NTM: variants seen among roughly 807,000 people sequenced by gnomAD.
NTM encodes the protein neurotrimin.
Under a neutral mutation model 42.1 loss-of-function variants are expected in NTM, and 13 were observed. The observed-to-expected ratio is 0.31, with a 90% CI of 0.20 to 0.49. The LOEUF (loss-of-function observed/expected upper bound fraction) is 0.49, where lower values mean the gene tolerates loss of function less well. Ranked by LOEUF, NTM falls within the 20% of genes least tolerant of loss-of-function variation. The probability of loss-of-function intolerance (pLI) is 0.99; values close to 1 mark genes in which losing one functional copy is unlikely to be tolerated. For synonymous variants in NTM, 187 were observed against 179.2 expected, an observed-to-expected ratio of 1.04 and a Z score of -0.35; for missense variants, 373 against 452.8, an observed-to-expected ratio of 0.82 and a Z score of 1.60.
At chr11:131,452,772 A>C (rs949727574) in intron 1 of NTM, among the ~76,000 whole-genome samples, 7 of 152,198 alleles carry the variant, frequency 4.6e-5, no homozygotes, top group Non-Finnish European at 7.3e-5. Context: ...CCTGCAGTGC[A>C]GACAATACTT....
intron 1 of NTM, among the ~76,000 whole-genome samples, chr11:131,494,595 G>T (rs1385019088): frequency 6.6e-6 from 1 of 152,144 alleles, no homozygotes; most frequent in Non-Finnish European, 1.5e-5. Flanking sequence ...TCAGATGATT[G>T]GTCACTCCAT....
intron 1 of NTM, among the ~76,000 whole-genome samples, chr11:131,705,611 A>G (rs1403197098): frequency 1.3e-5 from 2 of 152,176 alleles, no homozygotes; most frequent in African/African-American, 4.8e-5. Flanking sequence ...TAGAAGTTAA[A>G]AGATAAAATC....
chr11:131,620,153 G>A (rs536789099), intron 1 of NTM, among the ~76,000 whole-genome samples: 15 of 152,240 alleles, frequency 9.9e-5, no homozygotes, highest in African/African-American at 3.4e-4. Flanking sequence ...GCCAGTAAAG[G>A]TACTACGAGA....
chr11:131,715,407 C>T (rs2077589378), intron 1 of NTM, among the ~76,000 whole-genome samples: 1 of 152,134 alleles, frequency 6.6e-6, no homozygotes, highest in Non-Finnish European at 1.5e-5. Context: ...TTTTGTTTAG[C>T]ATTTTAGACT....
At chr11:131,609,758 C>G (rs1475473250) in intron 1 of NTM, among the ~76,000 whole-genome samples, 2 of 152,204 alleles carry the variant, frequency 1.3e-5, no homozygotes, top group African/African-American at 4.8e-5. Context: ...GCCAAACATG[C>G]TTCTGTCTTC....
chr11:131,779,205 G>T (rs933946296), intron 1 of NTM, among the ~76,000 whole-genome samples: 1 of 152,154 alleles, frequency 6.6e-6, no homozygotes, highest in Non-Finnish European at 1.5e-5. Flanking sequence ...GCCTGGAAGA[G>T]GATTCGAAAC....
At chr11:132,186,440 CTT>C (rs981988995) in intron 3 of NTM, among the ~76,000 whole-genome samples, 1 of 152,194 alleles carries the variant, frequency 6.6e-6, no homozygotes, top group African/African-American at 2.4e-5. Context: ...GCAGCCTTCT[CTT>C]TTTAGTTTGA....
At chr11:131,423,564 T>A (rs1040648466) in intron 1 of NTM, among the ~76,000 whole-genome samples, 1 of 152,238 alleles carries the variant, frequency 6.6e-6, no homozygotes, top group Non-Finnish European at 1.5e-5. Flanking sequence ...GTTGCTGAGC[T>A]TCTTCCTATT....
chr11:131,848,507 A>T (rs1367492344), intron 1 of NTM, among the ~76,000 whole-genome samples: 2 of 152,192 alleles, frequency 1.3e-5, no homozygotes, highest in East Asian at 1.9e-4. Flanking sequence ...AATGGATATT[A>T]TTACAGAGAA....
chr11:131,598,623 G>T (rs1208156703), intron 1 of NTM, among the ~76,000 whole-genome samples: 1 of 152,132 alleles, frequency 6.6e-6, no homozygotes. Flanking sequence ...TGCACCATCC[G>T]AACACTGGCT....
Position 131,999,199 on chromosome 11 carries a change from C to T in NTM, c.167+87551C>T, listed in dbSNP as rs1371880401. Among the ~76,000 whole-genome samples, 3 of 152,072 alleles carry T rather than the reference C, an allele frequency of 2.0e-5. No individual in the cohort carries two copies. In the East Asian group the frequency reaches 5.8e-4, roughly 29 times the overall value. On this transcript the variant is annotated intron_variant, in intron 2 of 8. Coordinates refer to ENST00000683400, the MANE Select transcript of NTM (RefSeq NM_001352005.2). ...GGAGGGGTCCCTGCAATGTGCTACT[C>T]CTGTTTGTGTGTCCGCCTCTGTTCC...
At chr11:132,139,695 G>C (rs546487341) in intron 2 of NTM, among the ~76,000 whole-genome samples, 4 of 152,324 alleles carry the variant, frequency 2.6e-5, no homozygotes, top group African/African-American at 7.2e-5. Flanking sequence ...GTGTGCATTT[G>C]TATTTGTGAG....
chr11:131,789,489 AGAG>A (rs1416580580), intron 1 of NTM, among the ~76,000 whole-genome samples: 241 of 9,064 alleles, frequency 0.027, 88 homozygotes, highest in African/African-American at 0.03. Flanking sequence ...AAGAAGAAGA[AGAG>A]GAAAGAAGAA....
chr11:131,497,350 G>A (rs1427074521), intron 1 of NTM, among the ~76,000 whole-genome samples: 1 of 142,974 alleles, frequency 7.0e-6, no homozygotes, highest in African/African-American at 2.6e-5. Flanking sequence ...CACCATGCCT[G>A]GCTAACTTTT....
chr11:131,685,788 G>A (rs1296683569), intron 1 of NTM, among the ~76,000 whole-genome samples: 1 of 152,138 alleles, frequency 6.6e-6, no homozygotes, highest in Non-Finnish European at 1.5e-5. Flanking sequence ...AGTTCCACAC[G>A]AGCAGGGACA....
At chr11:131,982,013 A>G (rs930768455) in intron 2 of NTM, among the ~76,000 whole-genome samples, 1 of 152,058 alleles carries the variant, frequency 6.6e-6, no homozygotes, top group African/African-American at 2.4e-5. Flanking sequence ...CTCCATCTCA[A>G]AAATAAAAAA....
chr11:132,331,731 T>C (rs1296880721), intron 8 of NTM, among the ~76,000 whole-genome samples: 2 of 152,178 alleles, frequency 1.3e-5, no homozygotes, highest in African/African-American at 2.4e-5. Flanking sequence ...TAGTGGGATG[T>C]GTATGGCACT....
intron 1 of NTM, among the ~76,000 whole-genome samples, chr11:131,475,224 A>T (rs146933663): frequency 6.6e-6 from 1 of 152,334 alleles, no homozygotes; most frequent in African/African-American, 2.4e-5. Context: ...GACAGAGTAG[A>T]TATCTGCCCA....
chr11:131,428,168 C>T (rs1948331791), intron 1 of NTM, among the ~76,000 whole-genome samples: 1 of 152,138 alleles, frequency 6.6e-6, no homozygotes, highest in Non-Finnish European at 1.5e-5. Flanking sequence ...CCTTCTCCTC[C>T]CCTTGATGTT....
Sources: gnomAD v4.1 joint callset for allele counts (sites outside exome capture counted in the v4.1 genomes callset) on GRCh38, gnomAD v4.1.1 for gene constraint, MANE v1.5 for transcripts, NCBI Gene and HGNC (gene_info 2026-07-23, HGNC 2026-07-21) for gene names.